Variants in CAMTA1 observed in about 807,000 individuals in gnomAD.
CAMTA1 encodes the protein calmodulin binding transcription activator 1.
CAMTA1 carries 27 observed loss-of-function variants against 170.9 expected under a neutral mutation model. That is an observed-to-expected ratio of 0.16 (90% CI 0.12 to 0.22). CAMTA1 has a LOEUF of 0.22. CAMTA1 is among the 10% of genes least tolerant of loss of function. CAMTA1 has a pLI of 1.00. For missense variants in CAMTA1, 1,619 were observed against 2,217.2 expected, an observed-to-expected ratio of 0.73 and a Z score of 5.42; for synonymous variants, 833 against 891.5, an observed-to-expected ratio of 0.93 and a Z score of 1.17.
chr1:6,819,215 T>A (rs893133894), intron 1 of CAMTA1, among the ~76,000 whole-genome samples: 2 of 152,206 alleles, frequency 1.3e-5, no homozygotes, highest in Non-Finnish European at 2.9e-5. Flanking sequence ...GTAGGATGAA[T>A]AATCTAAAAT....
intron 3 of CAMTA1, among the ~76,000 whole-genome samples, chr1:6,940,855 C>T (rs1686328195): frequency 3.1e-4 from 1 of 3,266 alleles, no homozygotes; most frequent in Non-Finnish European, 5.4e-4. Context: ...AGCACTATCC[C>T]CCATTTGTGA....
At chr1:7,048,002 C>T (rs1705684867) in intron 3 of CAMTA1, among the ~76,000 whole-genome samples, 1 of 152,106 alleles carries the variant, frequency 6.6e-6, no homozygotes, top group African/African-American at 2.4e-5. Flanking sequence ...TAGCTGATTC[C>T]CTGTTTAGCC....
chr1:7,369,359 G>A (rs1416721097), intron 5 of CAMTA1, among the ~76,000 whole-genome samples: 1 of 152,180 alleles, frequency 6.6e-6, no homozygotes, highest in African/African-American at 2.4e-5. Context: ...AAGAGTTTGA[G>A]GGGGTCATTC....
At chr1:7,258,576 G>A (rs1275428553) in intron 5 of CAMTA1, among the ~76,000 whole-genome samples, 1 of 152,190 alleles carries the variant, frequency 6.6e-6, no homozygotes, top group African/African-American at 2.4e-5. Context: ...ATGTTTGCAA[G>A]CATAATTTAC....
At chr1:7,477,708 C>A (rs890420858) in intron 6 of CAMTA1, among the ~76,000 whole-genome samples, 1 of 152,176 alleles carries the variant, frequency 6.6e-6, no homozygotes, top group Non-Finnish European at 1.5e-5. Flanking sequence ...GGGGACTGGG[C>A]GACAGGAGGA....
At chr1:6,988,283 C>T (rs1695697504) in intron 3 of CAMTA1, among the ~76,000 whole-genome samples, 1 of 152,106 alleles carries the variant, frequency 6.6e-6, no homozygotes, top group Admixed American at 6.5e-5. Context: ...TTCCACTGCA[C>T]AGGGCTCCAT....
At chr1:7,384,883 C>T (rs1309072418) in intron 5 of CAMTA1, among the ~76,000 whole-genome samples, 2 of 152,104 alleles carry the variant, frequency 1.3e-5, no homozygotes, top group African/African-American at 2.4e-5. Context: ...CTCTGCCTCC[C>T]TGTACCCGTC....
Position 7,325,655 on chromosome 1 carries a change from T to C in CAMTA1, c.438+76029T>C, listed in dbSNP as rs925430830. ...AAGCTTTTTTCTGCATGTTTTTGTC[T>C]TGAGCACCTAGAAGAATAGAGTGGG... On this transcript the variant is annotated intron_variant, in intron 5 of 22. Transcript: ENST00000303635. The surrounding 1 kb of genome is among the most constrained non-coding windows in gnomAD (Gnocchi z 5.0). 6.6e-6 allele frequency among the ~76,000 whole-genome samples: 1 copy of C among 152,136 alleles called. No homozygotes were observed. Among genetic ancestry groups the C allele is most frequent in the African/African-American group, 2.4e-5 (1 of 41,408 alleles).
intron 11 of CAMTA1, among the ~76,000 whole-genome samples, chr1:7,708,033 G>GT (rs1411173172): frequency 6.6e-6 from 1 of 150,580 alleles, no homozygotes; most frequent in Non-Finnish European, 1.5e-5. Flanking sequence ...CTTGTGAATA[G>GT]TAAGTTTAAA....
At chr1:7,512,225 C>G (rs1474270198) in intron 6 of CAMTA1, among the ~76,000 whole-genome samples, 1 of 152,206 alleles carries the variant, frequency 6.6e-6, no homozygotes, top group Admixed American at 6.5e-5. Flanking sequence ...AAGCAGAGAA[C>G]CTTGCATCAG....
intron 4 of CAMTA1, among the ~76,000 whole-genome samples, chr1:7,095,519 G>A (rs1195260784): frequency 2.0e-5 from 3 of 152,202 alleles, no homozygotes; most frequent in Non-Finnish European, 4.4e-5. Flanking sequence ...GTGAGTCCGT[G>A]CTAGAACTGG....
intron 6 of CAMTA1, among the ~76,000 whole-genome samples, chr1:7,523,469 A>G (rs1575786392): frequency 6.6e-6 from 1 of 152,196 alleles, no homozygotes; most frequent in Non-Finnish European, 1.5e-5. Context: ...GGGTCTTCCA[A>G]TCCATGAAAA....
At chr1:6,874,436 T>G (rs1669257234) in intron 3 of CAMTA1, 1 of 152,242 alleles carries the variant, frequency 6.6e-6, no homozygotes, top group Non-Finnish European at 1.5e-5. Context: ...GAGTTTTAGC[T>G]GAGCACATGT....
At chr1:7,240,603 C>G (rs959973189) in intron 4 of CAMTA1, among the ~76,000 whole-genome samples, 7 of 150,054 alleles carry the variant, frequency 4.7e-5, no homozygotes, top group Admixed American at 4.0e-4. Context: ...TTCACTGTAA[C>G]CTCCGCCTCC....
At chr1:7,589,462 A>T (rs2095338488) in intron 6 of CAMTA1, among the ~76,000 whole-genome samples, 1 of 151,864 alleles carries the variant, frequency 6.6e-6, no homozygotes. Flanking sequence ...ATGCTTGGGG[A>T]CCCAGGGGAG....
At chr1:7,600,041 A>G (rs905919221) in intron 6 of CAMTA1, among the ~76,000 whole-genome samples, 1 of 152,184 alleles carries the variant, frequency 6.6e-6, no homozygotes, top group African/African-American at 2.4e-5. Flanking sequence ...GAATGCTTCC[A>G]GTTTTTGCCC....
intron 3 of CAMTA1, among the ~76,000 whole-genome samples, chr1:6,959,573 CACGGAGATGAGGCAT>C (rs1478559441): frequency 1.3e-5 from 2 of 152,186 alleles, no homozygotes; most frequent in Non-Finnish European, 2.9e-5. Context: ...ATAGCCTCAT[CACGGAGATGAGGCAT>C]AAAGTCAGGT....
intron 3 of CAMTA1, among the ~76,000 whole-genome samples, chr1:6,913,914 A>T (rs1680224721): frequency 6.6e-6 from 1 of 151,976 alleles, no homozygotes; most frequent in South Asian, 2.1e-4. Context: ...TTTTGTCTGG[A>T]GCACAGGATT....
intron 7 of CAMTA1, among the ~76,000 whole-genome samples, chr1:7,653,766 C>A (rs1001564932): frequency 1.3e-5 from 2 of 152,052 alleles, no homozygotes; most frequent in African/African-American, 4.8e-5. Flanking sequence ...TTCACTCTAC[C>A]AGCCTTTATT....
Sources: allele counts gnomAD v4.1 joint callset (sites outside exome capture counted in the v4.1 genomes callset), GRCh38; gene constraint gnomAD v4.1.1; non-coding constraint Gnocchi (gnomAD v3.1); transcripts MANE v1.5; gene names NCBI Gene and HGNC (gene_info 2026-07-23, HGNC 2026-07-21).